Variants in KIF13B observed in about 807,000 individuals in gnomAD.
KIF13B encodes the protein kinesin-like protein KIF13B.
Under a neutral mutation model 222.0 loss-of-function variants are expected in KIF13B, and 127 were observed. The observed-to-expected ratio is 0.57, with a 90% CI of 0.50 to 0.66. KIF13B has a LOEUF of 0.66. Ranked by LOEUF, KIF13B falls within the 30% of genes least tolerant of loss-of-function variation. The pLI is 0.00. For synonymous variants in KIF13B, 976 were observed against 919.0 expected, an observed-to-expected ratio of 1.06 and a Z score of -1.12; for missense variants, 2,173 against 2,379.0, an observed-to-expected ratio of 0.91 and a Z score of 1.80.
intron 2 of KIF13B, among the ~76,000 whole-genome samples, chr8:29,239,038 A>AAAAC (rs755774718): frequency 2.0e-5 from 3 of 152,178 alleles, no homozygotes; most frequent in Non-Finnish European, 4.4e-5. Context: ...ACCCTGTCTC[A>AAAAC]AAACAAACAA....
At chr8:29,197,455 AATTTACTAAT>A (rs1813492732) in intron 2 of KIF13B, among the ~76,000 whole-genome samples, 1 of 152,150 alleles carries the variant, frequency 6.6e-6, no homozygotes, top group South Asian at 2.1e-4. Context: ...CTTTCCTGCC[AATTTACTAAT>A]TGTTAACACT....
intron 8 of KIF13B, among the ~76,000 whole-genome samples, chr8:29,179,505 A>G (rs1000050115): frequency 1.6e-4 from 24 of 152,320 alleles, no homozygotes; most frequent in African/African-American, 5.8e-4. Context: ...CCATCGGTGC[A>G]CTTAACTTCT....
intron 1 of KIF13B, 95 bp from the exon 2 acceptor site, chr8:29,245,534 C>G: frequency 1.2e-6 from 1 of 833,280 alleles, no homozygotes; most frequent in Non-Finnish European, 1.9e-6. Flanking sequence ...AATACTCTTT[C>G]ATAATGCAAA....
At chr8:29,096,442 G>A (rs1432971954) in intron 36 of KIF13B, among the ~76,000 whole-genome samples, 1 of 151,578 alleles carries the variant, frequency 6.6e-6, no homozygotes, top group Non-Finnish European at 1.5e-5. Flanking sequence ...GGGACTACAA[G>A]TGTGTACCAC....
chr8:29,142,091 T>G (rs1810841214), intron 19 of KIF13B, 66 bp downstream of exon 19: 9 of 1,344,878 alleles, frequency 6.7e-6, no homozygotes, highest in Non-Finnish European at 3.2e-6. Flanking sequence ...CTGAAATGGG[T>G]AGACTCATTC....
At position 29,147,416 on chromosome 8, in the gene KIF13B, C is replaced by T. The variant is rs573311825; in HGVS notation, c.2000G>A (p.Arg667His). 6 of 1,608,062 alleles carry T rather than the reference C, an allele frequency of 3.7e-6. No individual in the cohort carries two copies. Among genetic ancestry groups the T allele is most frequent in the Middle Eastern group, 1.7e-4 (1 of 6,046 alleles). Residue 667 changes from arginine to histidine, a missense_variant, in exon 17 of 40, where the codon CGC becomes CAC. By Grantham distance (29) the Arg-to-His change is conservative (BLOSUM62 0). Coordinates refer to ENST00000524189, the MANE Select transcript of KIF13B (RefSeq NM_015254.4). The stretch of plus-strand genomic sequence containing the variant: ...CCTCTCCTCAGCCCACTGTCTTAAG[C>T]GTTGCTGAGCGCTGGGCGAGTGGAA... Reference protein sequence around the residue: ...FSFHSPSAQQRLRQWAEEREA... With the variant: ...FSFHSPSAQQHLRQWAEEREA...
Position 29,140,595 on chromosome 8 carries a change from C to T in KIF13B, c.2357G>A (p.Arg786His), listed in dbSNP as rs367974470. 32 of 1,613,230 alleles carry T rather than the reference C, an allele frequency of 2.0e-5. No individual in the cohort carries two copies. The highest frequency in any genetic ancestry group is 4.0e-5 in the African/African-American group (3 of 74,878). The change falls in exon 20 of 40, where the codon CGT (arginine) becomes CAT (histidine). Residue 786 changes from arginine to histidine, a missense_variant. Arg to His is a conservative substitution (Grantham distance 29). This residue lies in a region of KIF13B where 1,480 missense variants were observed against 1,722.8 expected (regional missense o/e 0.86). Transcript: ENST00000524189. ...CTGCTCATCATAGAATGGATCAGCA[C>T]GTTTGAAGTATGATCGTATTACCTG... is the stretch of plus-strand genomic sequence containing the variant. ...DNPVIRSYFK[R>H]ADPFYDEQEN...
chr8:29,229,088 T>A (rs1367490906), intron 2 of KIF13B, among the ~76,000 whole-genome samples: 1 of 94,694 alleles, frequency 1.1e-5, no homozygotes, highest in Admixed American at 1.4e-4. Context: ...ATGTCAGCTT[T>A]AAAAAAAAAA....
chr8:29,072,782 A>G (rs1397160088), intron 38 of KIF13B, among the ~76,000 whole-genome samples: 2 of 152,124 alleles, frequency 1.3e-5, no homozygotes, highest in Non-Finnish European at 2.9e-5. Flanking sequence ...TACAAAGACC[A>G]AGGCCCCTCG....
intron 13 of KIF13B, among the ~76,000 whole-genome samples, chr8:29,157,053 C>A (rs1054012946): frequency 6.6e-6 from 1 of 151,960 alleles, no homozygotes; most frequent in African/African-American, 2.4e-5. Flanking sequence ...AAGCCCATAC[C>A]CACCCCATGT....
At chr8:29,179,090 G>A (rs763514080) in intron 8 of KIF13B, among the ~76,000 whole-genome samples, 4 of 151,900 alleles carry the variant, frequency 2.6e-5, no homozygotes, top group Non-Finnish European at 5.9e-5. Context: ...TTTCACAGAA[G>A]GCAACACTGC....
chr8:29,189,180 G>C (rs1765967497), intron 4 of KIF13B: 2 of 152,070 alleles, frequency 1.3e-5, no homozygotes, highest in African/African-American at 4.8e-5. Context: ...GTCAGTAATT[G>C]AATGTGAATC....
At chr8:29,072,371 C>G in intron 38 of KIF13B, 55 bp from the exon 39 acceptor site, 1 of 1,227,508 alleles carries the variant, frequency 8.1e-7, no homozygotes, top group Non-Finnish European at 1.1e-6. Context: ...CAACACGAAC[C>G]AAGCAGGCAG....
chr8:29,222,758 A>C (rs186014412), intron 2 of KIF13B, among the ~76,000 whole-genome samples: 1 of 152,254 alleles, frequency 6.6e-6, no homozygotes, highest in Admixed American at 6.5e-5. Flanking sequence ...ATAACTTTTC[A>C]AGTTAATTAC....
intron 23 of KIF13B, among the ~76,000 whole-genome samples, chr8:29,132,107 C>T (rs181691138): frequency 7.9e-5 from 12 of 152,126 alleles, no homozygotes; most frequent in East Asian, 5.8e-4. Context: ...ATTAGCCAGG[C>T]GTGGTGTGCA....
chr8:29,186,924 G>GCGCCA (rs1812958608), intron 5 of KIF13B, among the ~76,000 whole-genome samples: 1 of 149,634 alleles, frequency 6.7e-6, no homozygotes, highest in South Asian at 2.1e-4. Context: ...AGCCGAGATT[G>GCGCCA]CGCCACTGCA....
intron 21 of KIF13B, among the ~76,000 whole-genome samples, chr8:29,137,658 CT>C (rs1251239784): frequency 1.3e-5 from 2 of 152,188 alleles, no homozygotes; most frequent in African/African-American, 4.8e-5. Flanking sequence ...TGTCATATAG[CT>C]TATTTGTCCT....
Position 29,116,883 on chromosome 8 carries a change from TCAG to T in KIF13B, c.3782_3784del (p.Ala1261del). The T allele has an allele frequency of 6.2e-7, 1 of 1,613,458 alleles. No homozygotes were observed. Among genetic ancestry groups the T allele is most frequent in the Non-Finnish European group, 8.5e-7 (1 of 1,179,500 alleles). ...TCTCTTGCGTAACACCAGTTGCATG[TCAG>T]CAGGGTGGCTGAGCTGGACCGTCAC... On this transcript the variant is annotated inframe_deletion, in exon 31 of 40. Transcript: ENST00000524189.
chr8:29,146,400 G>C lies in KIF13B; in HGVS notation c.2165C>G (p.Ser722Cys). 1 of 1,613,960 alleles carries C rather than the reference G, an allele frequency of 6.2e-7. No individual in the cohort carries two copies. The change falls in exon 18 of 40, where the codon TCC (serine) becomes TGC (cysteine). Residue 722 changes from serine (S) to cysteine (C), a missense_variant. Ser to Cys is a moderately radical substitution (Grantham distance 112, BLOSUM62 -1). This residue lies in a region of KIF13B where 1,480 missense variants were observed against 1,722.8 expected (regional missense o/e 0.86). Coordinates refer to ENST00000524189, the MANE Select transcript of KIF13B (RefSeq NM_015254.4). ...CACCTTCCTGTTGGCATCCAGGCTG[G>C]AGGCTGGAATCTGTAGGGTAACTTT... ...EYKVTLQIPASSLDANRKRGS... is the reference protein window; with the variant it reads ...EYKVTLQIPACSLDANRKRGS...
Sources: gnomAD v4.1 joint callset for allele counts (sites outside exome capture counted in the v4.1 genomes callset) on GRCh38, gnomAD v4.1.1 for gene constraint, gnomAD v4.1.1 regional missense constraint, MANE v1.5 for transcripts, NCBI Gene and HGNC (gene_info 2026-07-23, HGNC 2026-07-21) for gene names.